The following ASS1 variants were observed in gnomAD, a reference collection of about 807,000 sequenced individuals.
ASS1 encodes argininosuccinate synthase 1.
In ASS1, 58 loss-of-function variants were observed where a neutral mutation model predicts 60.5. The ratio of observed to expected loss-of-function variants is 0.96; its 90% CI spans 0.78 to 1.19. The LOEUF (loss-of-function observed/expected upper bound fraction) is 1.19. ASS1 is among the 50% of genes most tolerant of loss of function. The pLI is 0.00. For missense variants in ASS1, 454 were observed against 547.3 expected, an observed-to-expected ratio of 0.83 and a Z score of 1.70; for synonymous variants, 200 against 206.9, an observed-to-expected ratio of 0.97 and a Z score of 0.29.
At chr9:130,500,129 A>T (rs1365008395) in intron 14 of ASS1, among the ~76,000 whole-genome samples, 1 of 152,126 alleles carries the variant, frequency 6.6e-6, no homozygotes, top group South Asian at 2.1e-4. Context: ...GAAATCAAGC[A>T]TGCGGCTCAG....
Position 130,458,562 on chromosome 9 carries a change from G to A in ASS1, c.336G>A (p.Lys112=), listed in dbSNP as rs374535616. The A allele has an allele frequency of 3.1e-6, 5 of 1,613,146 alleles. No individual in the cohort carries two copies. The highest frequency in any genetic ancestry group is 1.3e-5 in the African/African-American group (1 of 74,922). ...AAATCGCCCAGCGGGAGGGGGCCAAGTATGTGTCCCACGGCGCCACAGGAA... is the reference window on the plus strand; with the variant it reads ...AAATCGCCCAGCGGGAGGGGGCCAAATATGTGTCCCACGGCGCCACAGGAA... ...QVEIAQREGA[K]YVSHGATGKG... The change falls in exon 4 of 15, where the codon AAG becomes AAA. Residue 112 remains lysine, a synonymous_variant. Coordinates refer to ENST00000352480, the MANE Select transcript of ASS1 (RefSeq NM_054012.4).
At chr9:130,496,693 G>A (rs574098497) in intron 13 of ASS1, among the ~76,000 whole-genome samples, 1 of 152,224 alleles carries the variant, frequency 6.6e-6, no homozygotes, top group East Asian at 1.9e-4. Context: ...CCCCTGGAGG[G>A]GCAGGAGGGC....
chr9:130,445,601 G>A (rs1845177503), intron 1 of ASS1, among the ~76,000 whole-genome samples: 1 of 152,192 alleles, frequency 6.6e-6, no homozygotes, highest in African/African-American at 2.4e-5. Context: ...TGGCGGCCTC[G>A]CGGCGGGGTT....
In ASS1 at chr9:130,477,804, G is replaced by GC. The variant is rs1002071500; in HGVS notation, c.688+846dup. On this transcript the variant is annotated intron_variant, in intron 9 of 14. Transcript: ENST00000352480. This position sits in a 1 kb window ranked among gnomAD's most constrained non-coding sequence, Gnocchi z 4.2. ...CACCCAAGGACCAGGCGGGGGGCTG[G>GC]CCCATTCGTCCACAAAGTGGCTGCC... Among the ~76,000 whole-genome samples, 23 of 152,296 alleles carry GC rather than the reference G, an allele frequency of 1.5e-4. No homozygotes were observed. Among genetic ancestry groups the GC allele is most frequent in the Admixed American group, 5.2e-4 (8 of 15,310 alleles).
chr9:130,496,303 C>T (rs1846600915), intron 13 of ASS1, among the ~76,000 whole-genome samples: 1 of 151,966 alleles, frequency 6.6e-6, no homozygotes, highest in Non-Finnish European at 1.5e-5. Flanking sequence ...TGCTCGTGGT[C>T]CCAACTACTT....
intron 1 of ASS1, among the ~76,000 whole-genome samples, chr9:130,451,177 C>T (rs1845316212): frequency 6.6e-6 from 1 of 152,172 alleles, no homozygotes; most frequent in African/African-American, 2.4e-5. Context: ...AGGGAGAGCC[C>T]TCGGGGAAGA....
Position 130,500,988 on chromosome 9 carries a change from T to C in ASS1, c.1206T>C (p.Tyr402=), listed in dbSNP as rs1846741605. ...ININSLRLKE[Y]HRLQSKVTAK ...ATCTGGTTTACAGGCTGAAGGAATATCATCGTCTCCAGAGCAAGGTCACTG... is the reference window on the plus strand; with the variant it reads ...ATCTGGTTTACAGGCTGAAGGAATACCATCGTCTCCAGAGCAAGGTCACTG... Residue 402 remains tyrosine (Y), a synonymous_variant, in exon 15 of 15, where the codon TAT becomes TAC. Transcript: ENST00000352480. 1 of 1,613,844 alleles carries C rather than the reference T, an allele frequency of 6.2e-7. No individual in the cohort carries two copies. Among genetic ancestry groups the C allele is most frequent in the South Asian group, 1.1e-5 (1 of 91,082 alleles).
intron 4 of ASS1, among the ~76,000 whole-genome samples, chr9:130,461,733 G>A (rs1845599605): frequency 6.6e-6 from 1 of 152,214 alleles, no homozygotes; most frequent in Non-Finnish European, 1.5e-5. Context: ...CTGGGAGCGA[G>A]GGGAATCCAA....
At chr9:130,472,058 G>A (rs1339662010) in intron 8 of ASS1, among the ~76,000 whole-genome samples, 4 of 152,272 alleles carry the variant, frequency 2.6e-5, no homozygotes, top group South Asian at 2.1e-4. Flanking sequence ...TTTCTCTCCC[G>A]GGGGTAGGGG....
intron 6 of ASS1, among the ~76,000 whole-genome samples, chr9:130,469,714 G>A (rs929658660): frequency 1.3e-5 from 2 of 152,192 alleles, no homozygotes; most frequent in South Asian, 2.1e-4. Context: ...AGAAAACCCC[G>A]AAACCAGAGC....
At chr9:130,446,673 G>A (rs745778891) in intron 1 of ASS1, among the ~76,000 whole-genome samples, 1 of 152,158 alleles carries the variant, frequency 6.6e-6, no homozygotes, top group Non-Finnish European at 1.5e-5. Flanking sequence ...TTGGGGTGGA[G>A]CCAGGCCCAA....
chr9:130,464,489 G>A (rs147952401), intron 5 of ASS1, among the ~76,000 whole-genome samples: 4 of 152,210 alleles, frequency 2.6e-5, no homozygotes, highest in African/African-American at 7.2e-5. Flanking sequence ...CCCCAGGTGC[G>A]GGCAGGGATG....
chr9:130,465,946 C>T (rs562319650), intron 5 of ASS1, among the ~76,000 whole-genome samples: 1 of 152,334 alleles, frequency 6.6e-6, no homozygotes, highest in Admixed American at 6.5e-5. Flanking sequence ...AGCCCAGGCA[C>T]TGAGATGGGA....
chr9:130,476,473 G>A lies in ASS1; in HGVS notation c.598-398G>A, dbSNP rs1394037357. 3 of 301,896 alleles carry A rather than the reference G, an allele frequency of 9.9e-6. No homozygotes were observed. The highest frequency in any genetic ancestry group is 1.3e-5 in the Non-Finnish European group (2 of 158,870). The allele number at this position is 301,896 out of a possible 1,614,324, so 18.7% of individuals were successfully genotyped here. The stretch of plus-strand genomic sequence containing the variant: ...GTCACAGGCAGTCATTAGCTTTGCG[G>A]TCAGTGCAGAATAAACCCCAATCCC... On this transcript the variant is annotated intron_variant, in intron 8 of 14. Coordinates refer to ENST00000352480, the MANE Select transcript of ASS1 (RefSeq NM_054012.4). This position sits in a 1 kb window ranked among gnomAD's most constrained non-coding sequence, Gnocchi z 4.9.
At position 130,495,035 on chromosome 9, in the gene ASS1, A is replaced by G. The variant is rs771585700; in HGVS notation, c.1127+12A>G. ...GAGGAGCTGGTGAGGTAGGTGCCCC[A>G]CACCTCATTCTGACCCCCACTTGGG... On this transcript the variant is annotated intron_variant, in intron 13 of 14. Transcript: ENST00000352480. The G allele has an allele frequency of 6.2e-7, 1 of 1,605,270 alleles. No individual in the cohort carries two copies. The highest frequency in any genetic ancestry group is 8.5e-7 in the Non-Finnish European group (1 of 1,176,592).
chr9:130,496,999 T>A (rs1228773144), intron 13 of ASS1, among the ~76,000 whole-genome samples: 1 of 152,280 alleles, frequency 6.6e-6, no homozygotes, highest in East Asian at 1.9e-4. Flanking sequence ...CCTTGCCATG[T>A]TGAGTTTCTC....
At chr9:130,490,744 C>G (rs1434868640) in intron 12 of ASS1, among the ~76,000 whole-genome samples, 1 of 152,206 alleles carries the variant, frequency 6.6e-6, no homozygotes, top group Non-Finnish European at 1.5e-5. Context: ...TCTGCATTGT[C>G]TGTGGCTCCC....
chr9:130,499,371 C>T (rs1846681152), intron 13 of ASS1, 134 bp from the exon 14 acceptor site: 2 of 908,454 alleles, frequency 2.2e-6, no homozygotes, highest in Admixed American at 2.0e-5. Flanking sequence ...AGCCGACGTG[C>T]AGGGAGGGTT....
chr9:130,485,845 C>T (rs1846295568), intron 11 of ASS1, among the ~76,000 whole-genome samples: 1 of 152,182 alleles, frequency 6.6e-6, no homozygotes, highest in South Asian at 2.1e-4. Context: ...ATTTGCTCCT[C>T]GAACTTTATC....
Sources: allele counts gnomAD v4.1 joint callset (sites outside exome capture counted in the v4.1 genomes callset), GRCh38; gene constraint gnomAD v4.1.1; non-coding constraint Gnocchi (gnomAD v3.1); transcripts MANE v1.5; gene names NCBI Gene and HGNC (gene_info 2026-07-23, HGNC 2026-07-21).